Variants in TSHR observed in about 807,000 individuals in gnomAD.
TSHR encodes the protein thyroid stimulating hormone receptor.
A neutral mutation model predicts 64.1 loss-of-function variants in TSHR; 51 were observed. The ratio of observed to expected loss-of-function variants is 0.80; its 90% confidence interval spans 0.64 to 1.01. TSHR has a LOEUF of 1.01. TSHR is among the 50% of genes least tolerant of loss of function. The probability of loss-of-function intolerance (pLI) is 0.00; values close to 1 mark genes in which losing one functional copy is unlikely to be tolerated. For missense variants in TSHR, 877 were observed against 942.8 expected (o/e 0.93, Z 0.91); for synonymous variants, 361 against 361.9 (o/e 1.00, Z 0.03).
chr14:81,040,706 C>T (rs1484462458), intron 1 of TSHR, among the ~76,000 whole-genome samples: 1 of 152,100 alleles, frequency 6.6e-6, no homozygotes, highest in Non-Finnish European at 1.5e-5. Context: ...GCAAAAGTAA[C>T]TATCAACAGA....
At chr14:81,122,781 A>G (rs1890858809) in intron 8 of TSHR, among the ~76,000 whole-genome samples, 1 of 152,190 alleles carries the variant, frequency 6.6e-6, no homozygotes, top group African/African-American at 2.4e-5. Context: ...TCTTGTATTA[A>G]CAAGCTTCCA....
chr14:80,988,930 G>A (rs958643197), intron 1 of TSHR, among the ~76,000 whole-genome samples: 1 of 152,028 alleles, frequency 6.6e-6, no homozygotes, highest in African/African-American at 2.4e-5. Context: ...CCAGACCTAT[G>A]AGTCACTCAC....
intron 1 of TSHR, among the ~76,000 whole-genome samples, chr14:80,980,947 T>G (rs1181435665): frequency 6.6e-6 from 1 of 152,232 alleles, no homozygotes; most frequent in Non-Finnish European, 1.5e-5. Context: ...TCTGTTCATT[T>G]TTGTGGTTTT....
chr14:81,073,815 T>G (rs1887293955), intron 3 of TSHR, among the ~76,000 whole-genome samples: 1 of 152,106 alleles, frequency 6.6e-6, no homozygotes, highest in African/African-American at 2.4e-5. Context: ...AAAATAACAC[T>G]GAGGCCCAGG....
chr14:81,062,286 A>T (rs968724210), intron 2 of TSHR, 67 bp downstream of exon 2: 9 of 1,231,414 alleles, frequency 7.3e-6, no homozygotes, highest in Non-Finnish European at 1.1e-5. Context: ...GTGTTCTATC[A>T]AGAAAAATAC....
At chr14:80,956,053 C>T in intron 1 of TSHR, 2 of 650,796 alleles carry the variant, frequency 3.1e-6, no homozygotes, top group Non-Finnish European at 5.5e-6. Context: ...TTGTTGACAT[C>T]CTCATTCCCA....
chr14:81,140,128 A>T (rs971245045), intron 9 of TSHR, among the ~76,000 whole-genome samples: 1 of 152,198 alleles, frequency 6.6e-6, no homozygotes, highest in African/African-American at 2.4e-5. Context: ...ACACAACCAG[A>T]TCTCATAGAA....
chr14:81,031,426 T>C, intron 1 of TSHR, among the ~76,000 whole-genome samples: 1 of 152,240 alleles, frequency 6.6e-6, no homozygotes, highest in Non-Finnish European at 1.5e-5. Context: ...AAAAAAAATA[T>C]GTATTGTCTA....
At chr14:80,983,187 C>T (rs1888257793) in intron 1 of TSHR, 6 of 1,156,436 alleles carry the variant, frequency 5.2e-6, no homozygotes, top group Non-Finnish European at 6.0e-6. Context: ...GGATGAAAGA[C>T]AATGCAAAAT....
At chr14:81,135,979 G>A (rs1223989476) in intron 8 of TSHR, among the ~76,000 whole-genome samples, 1 of 152,200 alleles carries the variant, frequency 6.6e-6, no homozygotes, top group Non-Finnish European at 1.5e-5. Flanking sequence ...CATGCCTAAT[G>A]GATACTTAGA....
chr14:81,046,571 T>C (rs1885177630), intron 1 of TSHR, among the ~76,000 whole-genome samples: 1 of 151,442 alleles, frequency 6.6e-6, no homozygotes, highest in Admixed American at 6.6e-5. Context: ...AAGTGATCTA[T>C]CTTGTGATCT....
intron 1 of TSHR, among the ~76,000 whole-genome samples, chr14:80,966,825 G>A (rs968304928): frequency 6.6e-6 from 1 of 152,036 alleles, no homozygotes; most frequent in Non-Finnish European, 1.5e-5. Flanking sequence ...TGAGGGTGCC[G>A]GCAGATCTGT....
chr14:81,042,387 C>T lies in TSHR; in HGVS notation c.171-19761C>T, dbSNP rs575303494. Among the ~76,000 whole-genome samples, 4 of 152,106 alleles carry T rather than the reference C, an allele frequency of 2.6e-5. No individual in the cohort carries two copies. The South Asian group carries it at 6.2e-4, about 24-fold the overall frequency. ...ACAAAAGCCAAGATATGGAATCAGC[C>T]TAAGTGTTCATCAAGAGATGAATAA... On this transcript the variant is annotated intron_variant, in intron 1 of 9. Transcript: ENST00000298171.
chr14:81,107,432 T>C (rs1406529060), intron 7 of TSHR, among the ~76,000 whole-genome samples: 4 of 152,168 alleles, frequency 2.6e-5, no homozygotes, highest in South Asian at 2.1e-4. Context: ...AACAAGGATA[T>C]ATATATGTGC....
At chr14:81,129,415 C>T (rs758736317) in intron 8 of TSHR, among the ~76,000 whole-genome samples, 1 of 152,214 alleles carries the variant, frequency 6.6e-6, no homozygotes, top group Non-Finnish European at 1.5e-5. Flanking sequence ...TCTGTCTCAT[C>T]AGCCTCTTCT....
chr14:81,081,335 G>A (rs75617748), intron 3 of TSHR, among the ~76,000 whole-genome samples: 4,335 of 152,080 alleles, frequency 0.029, 204 homozygotes, highest in African/African-American at 0.097. Flanking sequence ...CAAATGATGA[G>A]AGTTTTTTTT....
At chr14:81,088,248 C>T (rs17111420) in intron 4 of TSHR, among the ~76,000 whole-genome samples, 6,846 of 152,160 alleles carry the variant, frequency 0.045, 191 homozygotes, top group Middle Eastern at 0.088. Context: ...CTCCAAGAAA[C>T]AGGAGGGAGA....
At chr14:81,033,975 ATAGT>A (rs2139827851) in intron 1 of TSHR, among the ~76,000 whole-genome samples, 1 of 152,310 alleles carries the variant, frequency 6.6e-6, no homozygotes, top group South Asian at 2.1e-4. Context: ...CATTGTACCA[ATAGT>A]TAGTTCTCTG....
At chr14:81,033,227 GA>G (rs1260141555) in intron 1 of TSHR, 1 of 469,452 alleles carries the variant, frequency 2.1e-6, no homozygotes, top group African/African-American at 2.1e-5. Context: ...AGAGCCCTCA[GA>G]AGGGGCCAGA....
Sources: gnomAD v4.1 joint callset for allele counts (sites outside exome capture counted in the v4.1 genomes callset) on GRCh38, gnomAD v4.1.1 for gene constraint, MANE v1.5 for transcripts, NCBI Gene and HGNC (gene_info 2026-07-23, HGNC 2026-07-21) for gene names.